Variants in SPNS2 observed in about 807,000 individuals in gnomAD.
The protein encoded by SPNS2 is SPNS lysolipid transporter 2, sphingosine-1-phosphate, also known as sphingosine-1-phosphate transporter SPNS2.
In SPNS2, 37 loss-of-function variants were observed where a neutral mutation model predicts 57.6. The ratio of observed to expected loss-of-function variants is 0.64; its 90% CI spans 0.49 to 0.85. SPNS2 has a LOEUF of 0.85. Ranked by LOEUF, SPNS2 falls within the 40% of genes least tolerant of loss-of-function variation. The probability of loss-of-function intolerance (pLI) is 0.00; values close to 1 mark genes in which losing one functional copy is unlikely to be tolerated. For synonymous variants in SPNS2, 440 were observed against 346.9 expected (o/e 1.27, Z -2.98); for missense variants, 831 against 779.1 (o/e 1.07, Z -0.79).
At position 4,538,203 on chromosome 17, in the gene SPNS2, T is replaced by TGCAC. The variant is rs1180880015; in HGVS notation, c.*756_*759dup. On this transcript the variant is annotated 3_prime_UTR_variant, in exon 13 of 13. Coordinates refer to ENST00000329078, the MANE Select transcript of SPNS2 (RefSeq NM_001124758.3). ...CCCCAGGCTCAAGGTCTCTGGCAGGTGCACACCAGCCCAACTCTGCAGGGC... is the reference window on the plus strand; with the variant it reads ...CCCCAGGCTCAAGGTCTCTGGCAGGTGCACGCACACCAGCCCAACTCTGCAGGGC... 1 of 235,500 alleles carries TGCAC rather than the reference T, an allele frequency of 4.2e-6. No homozygotes were observed. Among genetic ancestry groups the TGCAC allele is most frequent in the Non-Finnish European group, 8.5e-6 (1 of 117,532 alleles). 14.6% of individuals were successfully genotyped at this position (235,500 alleles called of 1,614,324 possible).
At chr17:4,535,031 A>G (rs1294896064) in intron 9 of SPNS2, among the ~76,000 whole-genome samples, 1 of 152,106 alleles carries the variant, frequency 6.6e-6, no homozygotes, top group African/African-American at 2.4e-5. Flanking sequence ...CCTCTCCCGC[A>G]ACGGGGTGCC....
intron 3 of SPNS2, 43 bp downstream of exon 3, chr17:4,525,236 C>A: frequency 6.2e-7 from 1 of 1,604,254 alleles, no homozygotes; most frequent in South Asian, 1.1e-5. Flanking sequence ...GTGTCCTGGT[C>A]CCTCCAGCGA....
In SPNS2 at chr17:4,532,450, C is replaced by G. The variant is rs1356435119; in HGVS notation, c.793-92C>G. 11 of 1,569,402 alleles carry G rather than the reference C, an allele frequency of 7.0e-6. No homozygotes were observed. The East Asian group carries it at 2.5e-4, about 35-fold the overall frequency. Reference sequence around the variant, plus strand: ...CTGCTCAGAGGAGAAGCCTATGGCCCAGAGAAGGCATGGGCTTGCCTGAGT... The same window carrying G: ...CTGCTCAGAGGAGAAGCCTATGGCCGAGAGAAGGCATGGGCTTGCCTGAGT... On this transcript the variant is annotated intron_variant, in intron 5 of 12. Coordinates refer to ENST00000329078, the MANE Select transcript of SPNS2 (RefSeq NM_001124758.3).
chr17:4,514,218 G>A (rs964543138), intron 2 of SPNS2, among the ~76,000 whole-genome samples: 1 of 152,224 alleles, frequency 6.6e-6, no homozygotes, highest in Non-Finnish European at 1.5e-5. Flanking sequence ...TAGTCATGCT[G>A]TGTGGCCCCA....
intron 1 of SPNS2, among the ~76,000 whole-genome samples, chr17:4,503,719 C>G (rs1904595492): frequency 1.3e-5 from 2 of 152,238 alleles, no homozygotes; most frequent in East Asian, 3.9e-4. Flanking sequence ...TTGATCCAGC[C>G]TGGGGCAGCC....
In SPNS2 at chr17:4,532,703, G is replaced by A. The variant is rs773342656; in HGVS notation, c.935+19G>A. ...TTCGAAAGTGAGTACCGCGGGAAGG[G>A]GTCTGGTGGGAAGAGAGAGGGGTGC... On this transcript the variant is annotated intron_variant, in intron 6 of 12. Transcript: ENST00000329078. The A allele has an allele frequency of 1.9e-6, 3 of 1,611,438 alleles. No homozygotes were observed. The highest frequency in any genetic ancestry group is 1.7e-6 in the Non-Finnish European group (2 of 1,178,514).
intron 1 of SPNS2, among the ~76,000 whole-genome samples, chr17:4,509,699 C>A (rs936979440): frequency 6.6e-6 from 1 of 152,268 alleles, no homozygotes; most frequent in East Asian, 1.9e-4. Context: ...AGAGGTGAGA[C>A]CTCCTGGGGC....
At position 4,533,795 on chromosome 17, in the gene SPNS2, T is replaced by A; in HGVS notation, c.1286T>A (p.Ile429Asn). 1 of 1,613,788 alleles carries A rather than the reference T, an allele frequency of 6.2e-7. No individual in the cohort carries two copies. The highest frequency in any genetic ancestry group is 8.5e-7 in the Non-Finnish European group (1 of 1,180,022). Residue 429 changes from isoleucine (I) to asparagine (N), a missense_variant, in exon 9 of 13, where the codon ATC becomes AAC. Transcript: ENST00000329078. The stretch of plus-strand genomic sequence containing the variant: ...TTGCCTTCTCCCCGGCAGATCTGTA[T>A]CTTCGTCGGGGAGACGCTGCTGTTT... ...KSSIVGAYIC[I>N]FVGETLLFSN...
rs369109561 is a variant in SPNS2, at chr17:4,536,920, C to T, written c.1628C>T (p.Pro543Leu). ...CCCAGGGTGAACCAGCTGGCGATGC[C>T]GCCCGCATCTGTGAAAGTCTGAGGT... The part of the protein sequence containing the change: ...AEQQVNQLAM[P>L]PASVKV Residue 543 changes from proline (P) to leucine (L), a missense_variant, in exon 12 of 13, where the codon CCG becomes CTG. Pro to Leu is a moderately conservative substitution (Grantham distance 98, BLOSUM62 -3). Around this residue, in one of 2 missense-constraint regions of SPNS2, gnomAD observed 526 missense variants for 400.9 expected, o/e 1.31. Transcript: ENST00000329078. The T allele has an allele frequency of 7.4e-5, 120 of 1,613,720 alleles. No homozygotes were observed. The highest frequency in any genetic ancestry group is 1.3e-4 in the Admixed American group (8 of 59,972).
At chr17:4,536,743 T>C (rs1160047181) in intron 11 of SPNS2, 157 bp from the exon 12 acceptor site, 8 of 682,024 alleles carry the variant, frequency 1.2e-5, no homozygotes, top group Middle Eastern at 3.8e-4. Context: ...CTCTCTCCTC[T>C]CCCCACCCCT....
Position 4,533,124 on chromosome 17 carries a change from G to T in SPNS2, c.1083G>T (p.Lys361Asn), listed in dbSNP as rs1260455506. ...ETCNSPPCGAKDSLIFGAITC... is the reference protein window; with the variant it reads ...ETCNSPPCGANDSLIFGAITC... ...GCAACAGCCCGCCCTGTGGGGCCAA[G>T]GACAGGTGGGGCCCCGCGGGGTGGG... Residue 361 changes from lysine to asparagine, a missense_variant, in exon 7 of 13, where the codon AAG becomes AAT. Around this residue, in one of 2 missense-constraint regions of SPNS2, gnomAD observed 526 missense variants for 400.9 expected, o/e 1.31. Coordinates refer to ENST00000329078, the MANE Select transcript of SPNS2 (RefSeq NM_001124758.3). 6.2e-7 allele frequency: 1 copy of T among 1,608,798 alleles called. No individual in the cohort carries two copies. Among genetic ancestry groups the T allele is most frequent in the Non-Finnish European group, 8.5e-7 (1 of 1,177,516 alleles).
chr17:4,529,028 C>T (rs1165646496), intron 3 of SPNS2, among the ~76,000 whole-genome samples: 1 of 152,026 alleles, frequency 6.6e-6, no homozygotes, highest in Non-Finnish European at 1.5e-5. Context: ...CCTCCACCTC[C>T]CGAGTTCAAG....
Position 4,523,963 on chromosome 17 carries a change from G to A in SPNS2, c.437-1094G>A, listed in dbSNP as rs760691034. 3.3e-5 allele frequency among the ~76,000 whole-genome samples: 5 copies of A among 152,260 alleles called. No individual in the cohort carries two copies. In the East Asian group the frequency reaches 7.7e-4, roughly 23 times the overall value. On this transcript the variant is annotated intron_variant, in intron 2 of 12. Transcript: ENST00000329078. ...TTGATATATCCCAAACACCTAAAAC[G>A]GTTCCTGGTGCATTGTAGGTACAAA... is the stretch of plus-strand genomic sequence containing the variant.
chr17:4,536,408 G>A lies in SPNS2; in HGVS notation c.1589G>A (p.Arg530His), dbSNP rs199589308. ...ACTGCGCTCTTCTTCGTCAGCGACC[G>A]CGCCAGGGCTGAGCAGCAGTGAGTG... Reference protein sequence around the residue: ...LATALFFVSDRARAEQQVNQL... With the variant: ...LATALFFVSDHARAEQQVNQL... The change falls in exon 11 of 13, where the codon CGC becomes CAC. Residue 530 changes from arginine to histidine, a missense_variant. Physicochemically the swap from Arg to His is conservative, Grantham distance 29. Around this residue, in one of 2 missense-constraint regions of SPNS2, gnomAD observed 526 missense variants for 400.9 expected, o/e 1.31. Transcript: ENST00000329078. 2.2e-4 allele frequency: 351 copies of A among 1,601,460 alleles called. No individual in the cohort carries two copies. Among genetic ancestry groups the A allele is most frequent in the Non-Finnish European group, 2.6e-4 (311 of 1,178,800 alleles).
intron 2 of SPNS2, among the ~76,000 whole-genome samples, chr17:4,523,265 C>T (rs1217316023): frequency 6.6e-6 from 1 of 151,900 alleles, no homozygotes; most frequent in Non-Finnish European, 1.5e-5. Flanking sequence ...TAGAGAAACC[C>T]CGTCTCTACT....
At chr17:4,505,710 G>A (rs1274045393) in intron 1 of SPNS2, among the ~76,000 whole-genome samples, 1 of 152,202 alleles carries the variant, frequency 6.6e-6, no homozygotes, top group Admixed American at 6.5e-5. Flanking sequence ...GGAGGTTGGT[G>A]AGTGGGGCCA....
intron 1 of SPNS2, among the ~76,000 whole-genome samples, chr17:4,501,093 A>G (rs993707906): frequency 1.3e-5 from 2 of 152,212 alleles, no homozygotes; most frequent in Non-Finnish European, 2.9e-5. Context: ...TAGGGGGACC[A>G]ATGTCCCTGT....
In SPNS2 at chr17:4,538,403, G is replaced by A. The variant is rs2093834589; in HGVS notation, c.*955G>A. On this transcript the variant is annotated 3_prime_UTR_variant, in exon 13 of 13. Coordinates refer to ENST00000329078, the MANE Select transcript of SPNS2 (RefSeq NM_001124758.3). The stretch of plus-strand genomic sequence containing the variant: ...ACAAAGCTTCCTGCCCCAGAGCTGA[G>A]GCTGAGGCCCCGGGAGAGGCGGCCC... The A allele has an allele frequency of 5.2e-6, 1 of 191,356 alleles. No individual in the cohort carries two copies. Among genetic ancestry groups the A allele is most frequent in the Non-Finnish European group, 1.1e-5 (1 of 93,344 alleles). The allele number at this position is 191,356 out of a possible 1,614,324, so 11.9% of individuals were successfully genotyped here. A position where few individuals can be genotyped will look rare whatever the true frequency, so the allele number is the denominator to read the frequency against.
At chr17:4,524,168 C>T (rs1380581358) in intron 2 of SPNS2, among the ~76,000 whole-genome samples, 1 of 152,152 alleles carries the variant, frequency 6.6e-6, no homozygotes, top group Non-Finnish European at 1.5e-5. Context: ...TTGCGTAGAT[C>T]TCTTCCCCTC....
Sources: allele counts gnomAD v4.1 joint callset (sites outside exome capture counted in the v4.1 genomes callset), GRCh38; gene constraint gnomAD v4.1.1; regional missense constraint gnomAD v4.1.1; transcripts MANE v1.5; gene names NCBI Gene and HGNC (gene_info 2026-07-23, HGNC 2026-07-21).